The following CACNA2D1 variants were observed in gnomAD, a reference collection of about 807,000 sequenced individuals.
CACNA2D1 encodes the protein calcium voltage-gated channel auxiliary subunit alpha2delta 1, also known as voltage-dependent calcium channel subunit alpha-2/delta-1.
Under a neutral mutation model 171.5 loss-of-function variants are expected in CACNA2D1, and 53 were observed. The observed-to-expected ratio is 0.31, with a 90% CI of 0.25 to 0.39. The LOEUF (loss-of-function observed/expected upper bound fraction) is 0.39. Ranked by LOEUF, CACNA2D1 falls within the 10% of genes least tolerant of loss-of-function variation. The pLI, the probability that CACNA2D1 is intolerant of heterozygous loss-of-function variation, is 1.00. For synonymous variants in CACNA2D1, 442 were observed against 443.1 expected, an observed-to-expected ratio of 1.00 and a Z score of 0.03; for missense variants, 903 against 1,299.8, an observed-to-expected ratio of 0.69 and a Z score of 4.69.
chr7:82,321,897 C>G (rs566959957), intron 3 of CACNA2D1, among the ~76,000 whole-genome samples: 1 of 150,612 alleles, frequency 6.6e-6, no homozygotes, highest in Admixed American at 6.6e-5. Flanking sequence ...GAGGCCGAGG[C>G]GGGCGGATCA....
intron 1 of CACNA2D1, among the ~76,000 whole-genome samples, chr7:82,392,144 A>C (rs1023908091): frequency 6.6e-6 from 1 of 152,046 alleles, no homozygotes; most frequent in Non-Finnish European, 1.5e-5. Context: ...CTTACCCTTC[A>C]CTTAGTTTAC....
chr7:82,229,304 C>A (rs1802663547), intron 3 of CACNA2D1, among the ~76,000 whole-genome samples: 1 of 152,098 alleles, frequency 6.6e-6, no homozygotes, highest in Non-Finnish European at 1.5e-5. Context: ...GAGCACCTCA[C>A]TTTCCTTGTT....
intron 5 of CACNA2D1, among the ~76,000 whole-genome samples, chr7:82,124,844 T>C (rs1315871070): frequency 1.3e-5 from 2 of 152,144 alleles, no homozygotes; most frequent in African/African-American, 4.8e-5. Context: ...CATCAATGTT[T>C]GATACCTAAA....
intron 1 of CACNA2D1, among the ~76,000 whole-genome samples, chr7:82,374,797 AG>A (rs1272565552): frequency 6.6e-6 from 1 of 151,658 alleles, no homozygotes; most frequent in African/African-American, 2.4e-5. Flanking sequence ...CCCCAAAAAA[AG>A]AAAAAAGACT....
chr7:82,156,464 C>T (rs17834350), intron 4 of CACNA2D1, among the ~76,000 whole-genome samples: 60,572 of 151,848 alleles, frequency 0.4, 12,320 homozygotes, highest in Middle Eastern at 0.53. Flanking sequence ...CTTGAAGCAA[C>T]TCAAATAGTT....
At chr7:82,331,080 C>A (rs183953353) in intron 3 of CACNA2D1, among the ~76,000 whole-genome samples, 1 of 152,192 alleles carries the variant, frequency 6.6e-6, no homozygotes, top group Non-Finnish European at 1.5e-5. Context: ...GAAGCACTGG[C>A]AAACATTACT....
chr7:82,045,585 ACATT>A (rs1460371903), intron 10 of CACNA2D1, among the ~76,000 whole-genome samples: 1 of 152,216 alleles, frequency 6.6e-6, no homozygotes, highest in South Asian at 2.1e-4. Flanking sequence ...CATTTATGAT[ACATT>A]CATTCATGAT....
intron 8 of CACNA2D1, among the ~76,000 whole-genome samples, 172 bp downstream of exon 8, chr7:82,066,283 A>C (rs1394397634): frequency 6.6e-6 from 1 of 152,048 alleles, no homozygotes; most frequent in South Asian, 2.1e-4. Flanking sequence ...AGCATTACCC[A>C]CTTGAACTCA....
intron 3 of CACNA2D1, among the ~76,000 whole-genome samples, chr7:82,322,728 A>T (rs1816149047): frequency 6.6e-6 from 1 of 152,242 alleles, no homozygotes; most frequent in African/African-American, 2.4e-5. Flanking sequence ...GAGATTTTTT[A>T]AAGAATCATA....
chr7:81,999,646 A>AT (rs1798389646), intron 18 of CACNA2D1, among the ~76,000 whole-genome samples: 1 of 152,268 alleles, frequency 6.6e-6, no homozygotes, highest in South Asian at 2.1e-4. Context: ...CAGGTTGTTT[A>AT]TTTTTTAATT....
chr7:82,179,300 T>A (rs1274842900), intron 3 of CACNA2D1, among the ~76,000 whole-genome samples: 2 of 151,926 alleles, frequency 1.3e-5, no homozygotes, highest in South Asian at 2.1e-4. Context: ...AAGGAATCAC[T>A]GTGGAGAAGG....
At chr7:82,422,296 C>A (rs887182334) in intron 1 of CACNA2D1, among the ~76,000 whole-genome samples, 2 of 152,068 alleles carry the variant, frequency 1.3e-5, no homozygotes, top group African/African-American at 2.4e-5. Context: ...CCTCTGAATT[C>A]TCTTTCTTGA....
chr7:82,173,806 G>C (rs1796281009), intron 3 of CACNA2D1, among the ~76,000 whole-genome samples: 1 of 151,974 alleles, frequency 6.6e-6, no homozygotes, highest in Non-Finnish European at 1.5e-5. Flanking sequence ...ACTTTGGGAA[G>C]GGGAGGTGGG....
At chr7:82,129,655 C>T (rs918458083) in intron 5 of CACNA2D1, among the ~76,000 whole-genome samples, 3 of 152,158 alleles carry the variant, frequency 2.0e-5, no homozygotes, top group Non-Finnish European at 4.4e-5. Context: ...TTCTGCCTGA[C>T]ATATCTGAAG....
At chr7:81,978,296 G>A (rs1433315591) in intron 24 of CACNA2D1, among the ~76,000 whole-genome samples, 1 of 152,168 alleles carries the variant, frequency 6.6e-6, no homozygotes, top group Non-Finnish European at 1.5e-5. Flanking sequence ...TATGTTTATT[G>A]CAGCACGGTT....
At chr7:82,196,815 C>T (rs1313177287) in intron 3 of CACNA2D1, among the ~76,000 whole-genome samples, 2 of 149,680 alleles carry the variant, frequency 1.3e-5, no homozygotes, top group Non-Finnish European at 3.0e-5. Context: ...TCATCTGGTA[C>T]ATTTTTTTTT....
chr7:82,285,452 T>G (rs1810638742), intron 3 of CACNA2D1, among the ~76,000 whole-genome samples: 1 of 152,282 alleles, frequency 6.6e-6, no homozygotes, highest in Non-Finnish European at 1.5e-5. Context: ...CTTATTTACT[T>G]ATAACATATA....
chr7:82,143,536 G>A (rs1792643261), intron 4 of CACNA2D1, among the ~76,000 whole-genome samples: 2 of 152,114 alleles, frequency 1.3e-5, no homozygotes, highest in African/African-American at 4.8e-5. Flanking sequence ...TAGCAGAGTG[G>A]AGAAGAAATA....
At chr7:82,233,880 C>T (rs1383787864) in intron 3 of CACNA2D1, among the ~76,000 whole-genome samples, 1 of 151,986 alleles carries the variant, frequency 6.6e-6, no homozygotes, top group Non-Finnish European at 1.5e-5. Flanking sequence ...AGGCAATTGG[C>T]CCAAATCCTG....
Sources: allele counts gnomAD v4.1 joint callset (sites outside exome capture counted in the v4.1 genomes callset), GRCh38; gene constraint gnomAD v4.1.1; transcripts MANE v1.5; gene names NCBI Gene and HGNC (gene_info 2026-07-23, HGNC 2026-07-21).